USH2A: variants seen among roughly 807,000 people sequenced by gnomAD.
The protein encoded by USH2A is usherin.
USH2A carries 443 observed loss-of-function variants against 538.9 expected under a neutral mutation model. The ratio of observed to expected loss-of-function variants is 0.82; its 90% CI spans 0.76 to 0.89. The LOEUF (loss-of-function observed/expected upper bound fraction) is 0.89. Among genes scored for constraint, USH2A ranks in the 40% least tolerant of loss-of-function variants. The pLI, the probability that USH2A is intolerant of heterozygous loss-of-function variation, is 0.00. For synonymous variants in USH2A, 2,413 were observed against 2,273.5 expected (o/e 1.06, Z -1.75); for missense variants, 6,633 against 6,324.8 (o/e 1.05, Z -1.65).
chr1:216,067,330 G>A (rs2031410276), intron 30 of USH2A, among the ~76,000 whole-genome samples: 1 of 151,964 alleles, frequency 6.6e-6, no homozygotes, highest in African/African-American at 2.4e-5. Context: ...CCGGGTTGAT[G>A]GGGGCAGCAA....
intron 5 of USH2A, 148 bp from the exon 6 acceptor site, chr1:216,325,747 A>G: frequency 2.5e-6 from 2 of 796,574 alleles, no homozygotes; most frequent in Non-Finnish European, 3.8e-6. Flanking sequence ...CATAAAATAA[A>G]ACTTATTTTT....
chr1:216,121,462 A>C (rs376708585), intron 21 of USH2A, among the ~76,000 whole-genome samples: 16 of 151,808 alleles, frequency 1.1e-4, no homozygotes, highest in Admixed American at 8.5e-4. Flanking sequence ...TTTTTTTGCC[A>C]CTCTATTATA....
chr1:216,220,484 C>A (rs186327600), intron 14 of USH2A, among the ~76,000 whole-genome samples: 13 of 149,842 alleles, frequency 8.7e-5, no homozygotes, highest in African/African-American at 3.2e-4. Flanking sequence ...AGTCTGGTAG[C>A]AGAAGAAGGG....
At chr1:216,080,883 G>A (rs2031920843) in intron 26 of USH2A, among the ~76,000 whole-genome samples, 1 of 151,732 alleles carries the variant, frequency 6.6e-6, no homozygotes, top group South Asian at 2.1e-4. Flanking sequence ...GAGACTGAAA[G>A]TTGAATATGC....
rs767611127 is a variant in USH2A at position 216,422,277 on chromosome 1, C to A, written c.60G>T (p.Leu20Phe). Residue 20 changes from leucine to phenylalanine, a missense_variant, in exon 2 of 72, where the codon TTG (leucine) becomes TTT (phenylalanine). Leu to Phe is a conservative substitution (Grantham distance 22, BLOSUM62 0). Coordinates refer to ENST00000307340, the MANE Select transcript of USH2A (RefSeq NM_206933.4). ...SGFLFQVIEM[L>F]IFAYFASISL... The stretch of plus-strand genomic sequence containing the variant: ...ATATTGAAGCAAAATAGGCAAAGAT[C>A]AACATTTCAATGACCTGAAACAAGA... The A allele has an allele frequency of 2.1e-5, 34 of 1,613,590 alleles. No homozygotes were observed. The Admixed American group carries it at 3.5e-4, about 17-fold the overall frequency.
chr1:216,129,398 T>A (rs9662315), intron 21 of USH2A, among the ~76,000 whole-genome samples: 2,131 of 152,102 alleles, frequency 0.014, 47 homozygotes, highest in African/African-American at 0.048. Flanking sequence ...CTCAAATCAG[T>A]AGCATTTCTG....
intron 4 of USH2A, among the ~76,000 whole-genome samples, chr1:216,346,448 G>T (rs1358948524): frequency 1.3e-5 from 2 of 152,012 alleles, no homozygotes; most frequent in African/African-American, 4.8e-5. Flanking sequence ...TACTTTTGGG[G>T]GTATCAGAAA....
At chr1:215,716,274 C>T (rs951647314) in intron 61 of USH2A, among the ~76,000 whole-genome samples, 2 of 152,230 alleles carry the variant, frequency 1.3e-5, no homozygotes, top group Admixed American at 6.5e-5. Flanking sequence ...TTCATGTATC[C>T]TTGATAACTG....
At chr1:216,373,963 T>G (rs1463240352) in intron 3 of USH2A, among the ~76,000 whole-genome samples, 1 of 151,854 alleles carries the variant, frequency 6.6e-6, no homozygotes, top group East Asian at 1.9e-4. Flanking sequence ...GGAACGTGGA[T>G]GAAACTGGAA....
chr1:216,003,399 G>A (rs1338777496), intron 32 of USH2A, among the ~76,000 whole-genome samples: 3 of 152,244 alleles, frequency 2.0e-5, no homozygotes, highest in African/African-American at 7.2e-5. Context: ...CATGAAAACT[G>A]CTGCAGAAAA....
intron 38 of USH2A, among the ~76,000 whole-genome samples, chr1:215,912,505 A>ATG (rs1312324997): frequency 1.3e-4 from 3 of 23,456 alleles, no homozygotes; most frequent in African/African-American, 4.6e-4. Context: ...ATATATATAT[A>ATG]TATATACGTG....
chr1:216,229,191 A>T (rs1381468724), intron 14 of USH2A, among the ~76,000 whole-genome samples: 1 of 151,628 alleles, frequency 6.6e-6, no homozygotes, highest in African/African-American at 2.4e-5. Context: ...AAAACCCCAC[A>T]CTTAATCTGA....
rs1661940280 is a variant in USH2A at position 215,790,129 on chromosome 1, C to T, written c.10112G>A (p.Cys3371Tyr). 9.9e-6 allele frequency: 16 copies of T among 1,613,710 alleles called. No individual in the cohort carries two copies. The highest frequency in any genetic ancestry group is 1.4e-5 in the Non-Finnish European group (16 of 1,179,982). The part of the protein sequence containing the change: ...TELIPKSQKC[C>Y]NGVGYNPLKY... ...CAAAGGATTATATCCAACTCCATTA[C>T]AGCATTTCTGGCTCTTTGGAATAAG... Residue 3371 changes from cysteine (C) to tyrosine (Y), a missense_variant, in exon 51 of 72, where the codon TGT (cysteine) becomes TAT (tyrosine). Cys to Tyr is a radical substitution (Grantham distance 194, BLOSUM62 -2). Transcript: ENST00000307340.
intron 63 of USH2A, among the ~76,000 whole-genome samples, chr1:215,673,394 C>T (rs1457626805): frequency 6.6e-6 from 1 of 152,128 alleles, no homozygotes; most frequent in Non-Finnish European, 1.5e-5. Context: ...TAAAATGTCT[C>T]TTATTACCCT....
intron 11 of USH2A, among the ~76,000 whole-genome samples, chr1:216,265,762 C>T (rs904798692): frequency 1.3e-5 from 2 of 151,804 alleles, no homozygotes; most frequent in East Asian, 1.9e-4. Context: ...ATGTTTAGCC[C>T]GGAAGACATT....
chr1:216,348,531 A>G (rs2038220906), intron 4 of USH2A, among the ~76,000 whole-genome samples: 1 of 152,134 alleles, frequency 6.6e-6, no homozygotes, highest in South Asian at 2.1e-4. Context: ...GCTCAGCTTT[A>G]AAAAGGTCTT....
rs2102783899 is a variant in USH2A at position 216,418,593 on chromosome 1, A to G, written c.572T>C (p.Val191Ala). The stretch of plus-strand genomic sequence containing the variant: ...TTTTATTGGAGGTTGCAAACCATTT[A>G]CTGTGCGATAATAAAACATGGTCTC... Reference protein sequence around the residue: ...EKETMFYYRTVNGLQPPIKVM... With the variant: ...EKETMFYYRTANGLQPPIKVM... The change falls in exon 3 of 72, where the codon GTA becomes GCA. Residue 191 changes from valine to alanine, a missense_variant. Physicochemically the swap from Val to Ala is moderately conservative, Grantham distance 64. Transcript: ENST00000307340. The G allele has an allele frequency of 1.2e-6, 2 of 1,613,386 alleles. No individual in the cohort carries two copies. The highest frequency in any genetic ancestry group is 1.7e-4 in the Middle Eastern group (1 of 6,054).
intron 69 of USH2A, among the ~76,000 whole-genome samples, chr1:215,638,680 CTT>C (rs1656577969): frequency 6.8e-6 from 1 of 146,968 alleles, no homozygotes; most frequent in Non-Finnish European, 1.5e-5. Flanking sequence ...TCCATGAGGA[CTT>C]TTTAAAAAAT....
chr1:216,048,660 G>T lies in USH2A; in HGVS notation c.6050-13C>A. The T allele has an allele frequency of 6.2e-7, 1 of 1,607,920 alleles. No homozygotes were observed. The highest frequency in any genetic ancestry group is 8.5e-7 in the Non-Finnish European group (1 of 1,174,468). On this transcript the variant is annotated splice_polypyrimidine_tract_variant and intron_variant, in intron 30 of 71. Coordinates refer to ENST00000307340, the MANE Select transcript of USH2A (RefSeq NM_206933.4). ...CCTGTCAATATGCCTATAATAAAAAGGGACAAAAGAGGGTTGCGTGTTTAC... is the reference window on the plus strand; with the variant it reads ...CCTGTCAATATGCCTATAATAAAAATGGACAAAAGAGGGTTGCGTGTTTAC...
Sources: allele counts gnomAD v4.1 joint callset (sites outside exome capture counted in the v4.1 genomes callset), GRCh38; gene constraint gnomAD v4.1.1; transcripts MANE v1.5; gene names NCBI Gene and HGNC (gene_info 2026-07-23, HGNC 2026-07-21).